LGI4: variants seen among roughly 807,000 people sequenced by gnomAD.
The protein encoded by LGI4 is leucine rich repeat LGI family member 4, also known as leucine-rich repeat LGI family member 4.
LGI4 carries 36 observed loss-of-function variants against 48.3 expected under a neutral mutation model. That is an observed-to-expected ratio of 0.75 (90% CI 0.57 to 0.98). The LOEUF (loss-of-function observed/expected upper bound fraction) is 0.98, where lower values mean the gene tolerates loss of function less well. Among genes scored for constraint, LGI4 ranks in the 50% least tolerant of loss-of-function variants. The probability of loss-of-function intolerance (pLI) is 0.00; values close to 1 mark genes in which losing one functional copy is unlikely to be tolerated. For synonymous variants in LGI4, 355 were observed against 331.6 expected, an observed-to-expected ratio of 1.07 and a Z score of -0.77; for missense variants, 701 against 732.1, an observed-to-expected ratio of 0.96 and a Z score of 0.49.
In LGI4 at chr19:35,128,495, G is replaced by A. The variant is rs2445823; in HGVS notation, c.629-1478C>T. The stretch of plus-strand genomic sequence containing the variant: ...AAGCCAAGGCAGATGGATCAGTAGA[G>A]CCCAGGAGTTCGAGAGCAGCCTGGA... On this transcript the variant is annotated intron_variant, in intron 6 of 8. Coordinates refer to ENST00000310123, the MANE Select transcript of LGI4 (RefSeq NM_139284.3). 2.6e-5 allele frequency among the ~76,000 whole-genome samples: 4 copies of A among 152,304 alleles called. No individual in the cohort carries two copies. The South Asian group carries it at 6.2e-4, about 24-fold the overall frequency.
intron 3 of LGI4, chr19:35,133,342 A>C: frequency 4.5e-6 from 5 of 1,112,250 alleles, no homozygotes; most frequent in Non-Finnish European, 3.3e-6. Context: ...TTTCCTGGTC[A>C]TTTGAAACGT....
chr19:35,127,808 G>C (rs556982137), intron 6 of LGI4, among the ~76,000 whole-genome samples: 36 of 152,224 alleles, frequency 2.4e-4, no homozygotes, highest in Admixed American at 1.9e-3. Flanking sequence ...TTTCCCCTTC[G>C]CAGATGAGAA....
rs377570618 is a variant in LGI4, at chr19:35,134,498, G to A, written c.170+13C>T. 2.0e-5 allele frequency: 31 copies of A among 1,571,710 alleles called. No individual in the cohort carries two copies. Among genetic ancestry groups the A allele is most frequent in the East Asian group, 1.4e-4 (6 of 43,494 alleles). On this transcript the variant is annotated intron_variant, in intron 1 of 8. Transcript: ENST00000310123. ...GTCCCCACCTTCGGGCATGCAGAAG[G>A]CTGGACACTCACAGTGACAGCAGGG...
chr19:35,134,318 C>A (rs1438696591), intron 1 of LGI4, among the ~76,000 whole-genome samples, 193 bp downstream of exon 1: 1 of 152,212 alleles, frequency 6.6e-6, no homozygotes, highest in Admixed American at 6.5e-5. Context: ...GCTGTCCCTG[C>A]CCTCTGGGGT....
intron 6 of LGI4, 178 bp downstream of exon 6, chr19:35,131,208 C>G: frequency 1.3e-6 from 1 of 760,318 alleles, no homozygotes; most frequent in Non-Finnish European, 2.3e-6. Context: ...ACTCCTATAT[C>G]ACTGTTTATT....
chr19:35,132,426 C>T (rs992580157), intron 3 of LGI4, among the ~76,000 whole-genome samples: 1 of 151,616 alleles, frequency 6.6e-6, no homozygotes, highest in Admixed American at 6.6e-5. Context: ...ATCCCCAACA[C>T]CATACCCTGC....
Position 35,125,317 on chromosome 19 carries a change from G to A in LGI4, c.1490C>T (p.Pro497Leu), listed in dbSNP as rs372879627. 117 of 1,611,660 alleles carry A rather than the reference G, an allele frequency of 7.3e-5. No individual in the cohort carries two copies. The highest frequency in any genetic ancestry group is 9.2e-5 in the Non-Finnish European group (109 of 1,178,666). The change falls in exon 9 of 9, where the codon CCG (proline) becomes CTG (leucine). Residue 497 changes from proline (P) to leucine (L), a missense_variant. Coordinates refer to ENST00000310123, the MANE Select transcript of LGI4 (RefSeq NM_139284.3). ...AAAGGCACGGGGGGCCACCAGGGCC[G>A]GAGGCCCCAGCTCCTGCAGTGGCTC... Reference protein sequence around the residue: ...LLEPLQELGPPALVAPRAFAH... With the variant: ...LLEPLQELGPLALVAPRAFAH...
chr19:35,125,209 A>G lies in LGI4; in HGVS notation c.1598T>C (p.Ile533Thr). Reference sequence around the variant, plus strand: ...TTGGTGGTCTCAGGCACTGAGGTCGATCTCGTGATGCTGGTAGATCTGTGT... The same window carrying G: ...TTGGTGGTCTCAGGCACTGAGGTCGGTCTCGTGATGCTGGTAGATCTGTGT... ...GPTQIYQHHE[I>T]DLSA The change falls in exon 9 of 9, where the codon ATC (isoleucine) becomes ACC (threonine). Residue 533 changes from isoleucine to threonine, a missense_variant. This residue lies in a region of LGI4 where 223 missense variants were observed against 263.3 expected (regional missense o/e 0.85). Transcript: ENST00000310123. 1 of 1,529,522 alleles carries G rather than the reference A, an allele frequency of 6.5e-7. No individual in the cohort carries two copies. Among genetic ancestry groups the G allele is most frequent in the Non-Finnish European group, 8.8e-7 (1 of 1,135,478 alleles). The allele number at this position is 1,529,522 out of a possible 1,614,324, so 94.7% of individuals were successfully genotyped here. A position where few individuals can be genotyped will look rare whatever the true frequency, so the allele number is the denominator to read the frequency against.
chr19:35,134,003 T>C, intron 2 of LGI4, 30 bp downstream of exon 2: 7 of 1,550,552 alleles, frequency 4.5e-6, no homozygotes, highest in Non-Finnish European at 6.1e-6. Flanking sequence ...TCCCTTGAGC[T>C]GGTTGTCGGC....
intron 6 of LGI4, 77 bp from the exon 7 acceptor site, chr19:35,127,094 C>T: frequency 7.0e-7 from 1 of 1,425,158 alleles, no homozygotes; most frequent in Non-Finnish European, 9.4e-7. Context: ...TTGCCTACAT[C>T]TCTGAAATGG....
chr19:35,133,968 C>A (rs1453590784), intron 2 of LGI4, 65 bp downstream of exon 2: 3 of 1,486,996 alleles, frequency 2.0e-6, no homozygotes, highest in Non-Finnish European at 2.8e-6. Context: ...AGCATACACT[C>A]CCACACATGT....
Position 35,126,680 on chromosome 19 carries a change from G to T in LGI4, c.889C>A (p.Pro297Thr). The change falls in exon 8 of 9, where the codon CCC becomes ACC. Residue 297 changes from proline to threonine, a missense_variant. This residue lies in a region of LGI4 where 462 missense variants were observed against 436.4 expected (regional missense o/e 1.06). Coordinates refer to ENST00000310123, the MANE Select transcript of LGI4 (RefSeq NM_139284.3). ...GGGGCCAGGCGCAGGCCGGGACTGG[G>T]CCGGGCCCACAGCTGTGAGCCCCCC... Reference protein sequence around the residue: ...LWGGSQLWARPSPGLRLAPTQ... With the variant: ...LWGGSQLWARTSPGLRLAPTQ... The T allele has an allele frequency of 2.0e-6, 3 of 1,535,878 alleles. No homozygotes were observed. Among genetic ancestry groups the T allele is most frequent in the Middle Eastern group, 3.5e-4 (2 of 5,732 alleles).
chr19:35,130,228 A>T (rs568210085), intron 6 of LGI4, among the ~76,000 whole-genome samples: 61 of 152,308 alleles, frequency 4.0e-4, no homozygotes, highest in African/African-American at 1.3e-3. Flanking sequence ...GCTGAGTGCC[A>T]GTCCCCTGGG....
intron 6 of LGI4, 47 bp downstream of exon 6, chr19:35,131,339 T>A (rs2065172667): frequency 1.9e-6 from 3 of 1,548,718 alleles, no homozygotes; most frequent in Non-Finnish European, 2.6e-6. Context: ...CCTGGCAGCC[T>A]TTCCCCCAGA....
rs760055022 is a variant in LGI4, at chr19:35,126,450, G to A, written c.1119C>T (p.Asp373=). The change falls in exon 8 of 9, where the codon GAC becomes GAT. Residue 373 remains aspartate, a synonymous_variant. Coordinates refer to ENST00000310123, the MANE Select transcript of LGI4 (RefSeq NM_139284.3). ...RDTDAEALEL[D]GRPHLLLASA... is the part of the protein sequence containing the mutation. ...AGGCCAGCAGCAGGTGGGGCCGGCC[G>A]TCCAGCTCCAGGGCCTCAGCGTCCG... 23 of 1,589,786 alleles carry A rather than the reference G, an allele frequency of 1.4e-5. No homozygotes were observed. The highest frequency in any genetic ancestry group is 2.3e-5 in the East Asian group (1 of 44,100).
In LGI4 at chr19:35,125,213, C is replaced by T. The variant is rs200051494; in HGVS notation, c.1594G>A (p.Glu532Lys). 1.3e-6 allele frequency: 2 copies of T among 1,533,162 alleles called. No individual in the cohort carries two copies. The highest frequency in any genetic ancestry group is 1.4e-5 in the African/African-American group (1 of 72,368). The allele number at this position is 1,533,162 out of a possible 1,614,324, so 95.0% of individuals were successfully genotyped here. A position where few individuals can be genotyped will look rare whatever the true frequency, so the allele number is the denominator to read the frequency against. Residue 532 changes from glutamate (E) to lysine (K), a missense_variant, in exon 9 of 9, where the codon GAG becomes AAG. Glu to Lys is a moderately conservative substitution (Grantham distance 56). Transcript: ENST00000310123. The stretch of plus-strand genomic sequence containing the variant: ...TGGTCTCAGGCACTGAGGTCGATCT[C>T]GTGATGCTGGTAGATCTGTGTGGGG... ...KGPTQIYQHH[E>K]IDLSA
chr19:35,131,699 CAT>C, intron 5 of LGI4, 88 bp downstream of exon 5: 1 of 1,386,388 alleles, frequency 7.2e-7, no homozygotes, highest in Non-Finnish European at 1.0e-6. Context: ...CAGCCAAATG[CAT>C]GCACGCCAAC....
Position 35,127,030 on chromosome 19 carries a change from AAG to A in LGI4, c.629-15_629-14del, listed in dbSNP as rs768882715. 2.8e-5 allele frequency: 44 copies of A among 1,570,788 alleles called. No homozygotes were observed. The highest frequency in any genetic ancestry group is 4.6e-5 in the South Asian group (4 of 87,560). The stretch of plus-strand genomic sequence containing the variant: ...AACCAGGACAGCTCTGTGGGTGGAG[AAG>A]AGAGTCAGGCAGGCCCCAGGACCCC... On this transcript the variant is annotated splice_polypyrimidine_tract_variant and intron_variant, in intron 6 of 8. Coordinates refer to ENST00000310123, the MANE Select transcript of LGI4 (RefSeq NM_139284.3).
chr19:35,131,795 G>C lies in LGI4; in HGVS notation c.452C>G (p.Thr151Ser), dbSNP rs1356378600. ...CAGCCCCCATGAGCCTCACACATGA[G>C]TAAGGGTGTCCAGGCCTCGGAACAG... Reference protein sequence around the residue: ...RFLFRGLDTLTHVDLRGNPFQ... With the variant: ...RFLFRGLDTLSHVDLRGNPFQ... Residue 151 changes from threonine to serine, a missense_variant, in exon 5 of 9, where the codon ACT becomes AGT. Physicochemically the swap from Thr to Ser is moderately conservative, Grantham distance 58 (BLOSUM62 1). Transcript: ENST00000310123. 3 of 1,561,766 alleles carry C rather than the reference G, an allele frequency of 1.9e-6. No homozygotes were observed. Among genetic ancestry groups the C allele is most frequent in the South Asian group, 1.2e-5 (1 of 84,720 alleles).
Sources: allele counts gnomAD v4.1 joint callset (sites outside exome capture counted in the v4.1 genomes callset), GRCh38; gene constraint gnomAD v4.1.1; regional missense constraint gnomAD v4.1.1; transcripts MANE v1.5; gene names NCBI Gene and HGNC (gene_info 2026-07-23, HGNC 2026-07-21).